KCNN2: variants seen among roughly 807,000 people sequenced by gnomAD.
KCNN2 encodes potassium calcium-activated channel subfamily N member 2.
Under a neutral mutation model 55.5 loss-of-function variants are expected in KCNN2, and 24 were observed. The observed-to-expected ratio is 0.43, with a 90% CI of 0.31 to 0.61. The LOEUF is 0.61. Ranked by LOEUF, KCNN2 falls within the 20% of genes least tolerant of loss-of-function variation. The probability of loss-of-function intolerance (pLI) is 0.08; values close to 1 mark genes in which losing one functional copy is unlikely to be tolerated. For synonymous variants in KCNN2, 431 were observed against 336.1 expected (o/e 1.28, Z -3.09); for missense variants, 754 against 853.6 (o/e 0.88, Z 1.45).
At chr5:114,412,957 T>C (rs952226704) in intron 3 of KCNN2, among the ~76,000 whole-genome samples, 1 of 152,212 alleles carries the variant, frequency 6.6e-6, no homozygotes, top group Non-Finnish European at 1.5e-5. Context: ...ATTTCATCAA[T>C]GGATTTGTAA....
intron 2 of KCNN2, among the ~76,000 whole-genome samples, chr5:114,293,092 C>G (rs1755930574): frequency 6.6e-6 from 1 of 152,146 alleles, no homozygotes; most frequent in African/African-American, 2.4e-5. Context: ...AGATTTTGGG[C>G]TGAGACAATG....
chr5:114,467,160 A>G (rs1475655425), intron 4 of KCNN2, among the ~76,000 whole-genome samples: 2 of 152,204 alleles, frequency 1.3e-5, no homozygotes, highest in East Asian at 1.9e-4. Context: ...CCTGAAGAGC[A>G]AAAACACTAC....
At chr5:114,369,894 A>G (rs146286691) in intron 2 of KCNN2, among the ~76,000 whole-genome samples, 33 of 152,216 alleles carry the variant, frequency 2.2e-4, no homozygotes, top group African/African-American at 7.9e-4. Context: ...CAGTTGAGAG[A>G]TAAGGGCACT....
rs538211997 is a variant in KCNN2 at position 114,177,509 on chromosome 5, A to AT, written c.-270-43970dup. The stretch of plus-strand genomic sequence containing the variant: ...GTATTCTATATATCCATATATATAT[A>AT]TATTTTTTCCATTAGCCTTGGGGGA... On this transcript the variant is annotated intron_variant, in intron 1 of 10. Transcript: ENST00000512097. 1.4e-3 allele frequency among the ~76,000 whole-genome samples: 214 copies of AT among 151,672 alleles called. 2 individuals are homozygous for AT. The East Asian group carries it at 0.036, about 26-fold the overall frequency.
intron 2 of KCNN2, among the ~76,000 whole-genome samples, chr5:114,304,963 GTATT>G (rs1353437239): frequency 6.6e-6 from 1 of 152,162 alleles, no homozygotes; most frequent in African/African-American, 2.4e-5. Context: ...GGCCTCTAAA[GTATT>G]TGCCAAAATA....
intron 2 of KCNN2, among the ~76,000 whole-genome samples, chr5:114,293,393 T>C (rs1170312903): frequency 6.6e-6 from 1 of 152,210 alleles, no homozygotes; most frequent in Non-Finnish European, 1.5e-5. Context: ...TGAGAGTTTT[T>C]AGCATGAAGG....
chr5:114,120,378 C>T (rs1423219879), intron 1 of KCNN2, among the ~76,000 whole-genome samples: 1 of 152,118 alleles, frequency 6.6e-6, no homozygotes, highest in Non-Finnish European at 1.5e-5. Flanking sequence ...TCACTGGGGT[C>T]AGCGCTGAGG....
intron 4 of KCNN2, among the ~76,000 whole-genome samples, chr5:114,471,758 A>C (rs546106793): frequency 3.9e-5 from 6 of 152,318 alleles, no homozygotes; most frequent in African/African-American, 1.4e-4. Context: ...GGAACAGGCT[A>C]TTTAAGCCCT....
intron 3 of KCNN2, among the ~76,000 whole-genome samples, chr5:114,445,686 A>G (rs1760378652): frequency 6.6e-6 from 1 of 152,256 alleles, no homozygotes; most frequent in South Asian, 2.1e-4. Flanking sequence ...TAGTATTGCT[A>G]TCAATATGCA....
chr5:114,280,958 T>G (rs1484304416), intron 2 of KCNN2, among the ~76,000 whole-genome samples: 7 of 152,160 alleles, frequency 4.6e-5, no homozygotes, highest in Non-Finnish European at 8.8e-5. Flanking sequence ...TTGAGCACAC[T>G]AACCCTTCTT....
intron 2 of KCNN2, among the ~76,000 whole-genome samples, chr5:114,331,106 C>T (rs1226525942): frequency 6.6e-6 from 1 of 152,016 alleles, no homozygotes; most frequent in African/African-American, 2.4e-5. Flanking sequence ...AGCTCTGTTG[C>T]GATGGTTGAG....
At chr5:114,235,770 T>C (rs1399470782) in intron 2 of KCNN2, among the ~76,000 whole-genome samples, 3 of 152,240 alleles carry the variant, frequency 2.0e-5, no homozygotes, top group East Asian at 1.9e-4. Flanking sequence ...CTATCTACTT[T>C]GAGATTAAAA....
intron 2 of KCNN2, among the ~76,000 whole-genome samples, chr5:114,233,690 A>G (rs1754411436): frequency 6.6e-6 from 1 of 152,206 alleles, no homozygotes; most frequent in African/African-American, 2.4e-5. Flanking sequence ...TTAAAATTTT[A>G]CCAATGGGCA....
rs1341377074 is a variant in KCNN2 at position 114,234,262 on chromosome 5, AT to A, written c.-185+12704del. The stretch of plus-strand genomic sequence containing the variant: ...ACAATGTTTTTCATAAGTCATATGT[AT>A]TTTTTTCTGTCTCTCATCCTCAAAC... On this transcript the variant is annotated intron_variant, in intron 2 of 10. Coordinates refer to the KCNN2 transcript ENST00000512097. Among the ~76,000 whole-genome samples the A allele has an allele frequency of 7.2e-5, 11 of 152,170 alleles. No homozygotes were observed. In the East Asian group the frequency reaches 2.1e-3, roughly 29 times the overall value.
chr5:114,190,909 A>C (rs1753436980), intron 1 of KCNN2, among the ~76,000 whole-genome samples: 1 of 152,156 alleles, frequency 6.6e-6, no homozygotes, highest in Non-Finnish European at 1.5e-5. Flanking sequence ...AATTCTTTAT[A>C]GCTCCCTTCG....
At chr5:114,233,294 C>G (rs1186365132) in intron 2 of KCNN2, among the ~76,000 whole-genome samples, 1 of 152,100 alleles carries the variant, frequency 6.6e-6, no homozygotes, top group African/African-American at 2.4e-5. Flanking sequence ...CTGCTTGCAA[C>G]ACTCCTTTTA....
intron 2 of KCNN2, among the ~76,000 whole-genome samples, chr5:114,322,941 C>G (rs1756639436): frequency 6.6e-6 from 1 of 152,146 alleles, no homozygotes; most frequent in Non-Finnish European, 1.5e-5. Flanking sequence ...GTTATCTTTT[C>G]TGCTCCTGTC....
At chr5:114,273,622 T>C (rs143389329) in intron 2 of KCNN2, among the ~76,000 whole-genome samples, 1,849 of 152,338 alleles carry the variant, frequency 0.012, 36 homozygotes, top group African/African-American at 0.043. Flanking sequence ...GAGCATTTTT[T>C]CATGTCTGTT....
At chr5:114,173,667 TC>T (rs1270807261) in intron 1 of KCNN2, among the ~76,000 whole-genome samples, 1 of 151,936 alleles carries the variant, frequency 6.6e-6, no homozygotes, top group African/African-American at 2.4e-5. Context: ...TTAATTTTTT[TC>T]ATCAGCGTTT....
Sources: gnomAD v4.1 joint callset for allele counts (sites outside exome capture counted in the v4.1 genomes callset) on GRCh38, gnomAD v4.1.1 for gene constraint, MANE v1.5 for transcripts, NCBI Gene and HGNC (gene_info 2026-07-23, HGNC 2026-07-21) for gene names.